Variants in TMEM117 observed in about 807,000 individuals in gnomAD.
TMEM117 encodes the protein transmembrane protein 117.
A neutral mutation model predicts 52.4 loss-of-function variants in TMEM117; 27 were observed. The ratio of observed to expected loss-of-function variants is 0.51; its 90% CI spans 0.38 to 0.71. The LOEUF is 0.71. Among genes scored for constraint, TMEM117 ranks in the 30% least tolerant of loss-of-function variants. The probability of loss-of-function intolerance (pLI) is 0.00; values close to 1 mark genes in which losing one functional copy is unlikely to be tolerated. For missense variants in TMEM117, 556 were observed against 630.5 expected (o/e 0.88, Z 1.26); for synonymous variants, 215 against 206.3 (o/e 1.04, Z -0.36).
At chr12:43,978,692 TA>T (rs1457846730) in intron 3 of TMEM117, among the ~76,000 whole-genome samples, 2 of 152,128 alleles carry the variant, frequency 1.3e-5, no homozygotes, top group Non-Finnish European at 2.9e-5. Flanking sequence ...GATCTAGAGA[TA>T]GGGGCATTAT....
chr12:44,124,235 A>G (rs1734537396), intron 3 of TMEM117, among the ~76,000 whole-genome samples: 1 of 151,974 alleles, frequency 6.6e-6, no homozygotes, highest in African/African-American at 2.4e-5. Flanking sequence ...AGTGCTAGCA[A>G]TTTTTCACAT....
rs187543291 is a variant in TMEM117 at position 43,838,796 on chromosome 12, G to A, written c.-29+2600G>A. Among the ~76,000 whole-genome samples the A allele has an allele frequency of 3.5e-3, 534 of 151,974 alleles. 3 individuals carry two copies. Among genetic ancestry groups the A allele is most frequent in the Middle Eastern group, 6.8e-3 (2 of 294 alleles). On this transcript the variant is annotated intron_variant, in intron 1 of 7. Coordinates refer to ENST00000266534, the MANE Select transcript of TMEM117 (RefSeq NM_032256.3). ...TGTTTCTGTCAGCTGGTAGCTTTAT[G>A]ACCCTGGACAGATCATAACCTCTCT...
At chr12:44,028,199 A>T (rs1433272149) in intron 3 of TMEM117, among the ~76,000 whole-genome samples, 2 of 152,228 alleles carry the variant, frequency 1.3e-5, no homozygotes, top group African/African-American at 4.8e-5. Flanking sequence ...TCTCAAAAAC[A>T]AAAAGCTGTT....
intron 2 of TMEM117, among the ~76,000 whole-genome samples, chr12:43,895,880 TAAACAGGCTCAAAAC>T (rs1944192453): frequency 5.4e-5 from 1 of 18,568 alleles, no homozygotes; most frequent in Non-Finnish European, 5.3e-4. Flanking sequence ...TGTTATTTTC[TAAACAGGCTCAAAAC>T]ATTCTCATAA....
At chr12:44,317,262 G>A (rs1396871112) in intron 6 of TMEM117, among the ~76,000 whole-genome samples, 2 of 144,374 alleles carry the variant, frequency 1.4e-5, no homozygotes, top group African/African-American at 2.6e-5. Flanking sequence ...ATGTGAATAG[G>A]ATTTTCCCCT....
intron 5 of TMEM117, among the ~76,000 whole-genome samples, chr12:44,215,934 A>G (rs1485241063): frequency 1.5e-4 from 23 of 151,918 alleles, no homozygotes; most frequent in East Asian, 5.8e-4. Flanking sequence ...GGCATGTGCC[A>G]TATCTAGGTG....
At chr12:43,890,951 A>G (rs1461220051) in intron 2 of TMEM117, among the ~76,000 whole-genome samples, 9 of 151,722 alleles carry the variant, frequency 5.9e-5, no homozygotes, top group Non-Finnish European at 1.0e-4. Context: ...TTTTTTTTCT[A>G]AAGAGGAAAT....
Position 44,200,067 on chromosome 12 carries a change from C to T in TMEM117, c.511-11223C>T, listed in dbSNP as rs150719191. 8.1e-3 allele frequency among the ~76,000 whole-genome samples: 1,239 copies of T among 152,146 alleles called. 13 individuals are homozygous for T. The highest frequency in any genetic ancestry group is 0.028 in the African/African-American group (1,181 of 41,510). On this transcript the variant is annotated intron_variant, in intron 4 of 7. Transcript: ENST00000266534. ...CCTGGAGATGGAGGTTGCAGTGAGC[C>T]GAGATCGTGCCACTGCACTCTGGCC...
At position 44,254,764 on chromosome 12, in the gene TMEM117, C is replaced by G. The variant is rs183439390; in HGVS notation, c.608+43377C>G. ...TGTTGATGTGCTGCACCCATTAACT[C>G]GTCATTTAGCATTAGGTATATCTCC... On this transcript the variant is annotated intron_variant, in intron 5 of 7. Coordinates refer to ENST00000266534, the MANE Select transcript of TMEM117 (RefSeq NM_032256.3). 6.8e-3 allele frequency among the ~76,000 whole-genome samples: 1,032 copies of G among 151,896 alleles called. 15 individuals carry two copies. Among genetic ancestry groups the G allele is most frequent in the African/African-American group, 0.024 (986 of 41,432 alleles).
intron 6 of TMEM117, among the ~76,000 whole-genome samples, chr12:44,310,363 G>T (rs1592683140): frequency 6.6e-6 from 1 of 152,236 alleles, no homozygotes; most frequent in African/African-American, 2.4e-5. Context: ...TGGGGGCAGG[G>T]CACAGTGGCT....
At chr12:44,066,597 CTAGT>C (rs1247093160) in intron 3 of TMEM117, among the ~76,000 whole-genome samples, 1 of 152,138 alleles carries the variant, frequency 6.6e-6, no homozygotes, top group Non-Finnish European at 1.5e-5. Flanking sequence ...ATACTGTAGT[CTAGT>C]TAGTGTGCAG....
intron 3 of TMEM117, among the ~76,000 whole-genome samples, chr12:44,082,920 T>C (rs1255560014): frequency 6.6e-6 from 1 of 152,164 alleles, no homozygotes; most frequent in African/African-American, 2.4e-5. Context: ...TATGTGTATA[T>C]ATAGCCAAAA....
chr12:44,007,769 T>C (rs1282929566), intron 3 of TMEM117, among the ~76,000 whole-genome samples: 1 of 152,160 alleles, frequency 6.6e-6, no homozygotes, highest in African/African-American at 2.4e-5. Context: ...ATAAGTCTCA[T>C]GAGATCTGAT....
chr12:44,163,865 G>A (rs1031287215), intron 4 of TMEM117, among the ~76,000 whole-genome samples: 6 of 152,080 alleles, frequency 3.9e-5, no homozygotes, highest in Admixed American at 3.3e-4. Context: ...AGAGATTATT[G>A]AAGCCACTCA....
At chr12:44,220,221 A>G (rs1460085099) in intron 5 of TMEM117, among the ~76,000 whole-genome samples, 1 of 152,196 alleles carries the variant, frequency 6.6e-6, no homozygotes, top group African/African-American at 2.4e-5. Context: ...TGGGGTTACC[A>G]GTTAACAACT....
chr12:44,393,311 C>T (rs1952169307), downstream of TMEM117, among the ~76,000 whole-genome samples: 1 of 152,084 alleles, frequency 6.6e-6, no homozygotes, highest in African/African-American at 2.4e-5. Flanking sequence ...ATCACAGTAA[C>T]AAAACAAATT....
intron 2 of TMEM117, among the ~76,000 whole-genome samples, chr12:43,870,394 G>T (rs1461051428): frequency 4.6e-5 from 7 of 151,254 alleles, no homozygotes; most frequent in Admixed American, 4.0e-4. Flanking sequence ...CGAGTAGCTG[G>T]GATTATAGGC....
intron 3 of TMEM117, among the ~76,000 whole-genome samples, chr12:44,026,888 C>T (rs1946542266): frequency 6.6e-6 from 1 of 151,604 alleles, no homozygotes; most frequent in South Asian, 2.1e-4. Flanking sequence ...AAACACAAGA[C>T]AATTATCAAG....
chr12:44,289,456 A>G (rs1360334462), intron 5 of TMEM117, among the ~76,000 whole-genome samples: 4 of 151,882 alleles, frequency 2.6e-5, no homozygotes, highest in Non-Finnish European at 5.9e-5. Context: ...TAATTTTTTG[A>G]AGAACCTCCT....
Sources: gnomAD v4.1 joint callset for allele counts (sites outside exome capture counted in the v4.1 genomes callset) on GRCh38, gnomAD v4.1.1 for gene constraint, MANE v1.5 for transcripts, NCBI Gene and HGNC (gene_info 2026-07-23, HGNC 2026-07-21) for gene names.